Variants in MEIS2 observed in about 807,000 individuals in gnomAD.
MEIS2 encodes the protein Meis homeobox 2.
A neutral mutation model predicts 58.6 loss-of-function variants in MEIS2; 9 were observed. That is an observed-to-expected ratio of 0.15 (90% CI 0.09 to 0.27). The LOEUF (loss-of-function observed/expected upper bound fraction) is 0.27, where lower values mean the gene tolerates loss of function less well. MEIS2 is among the 10% of genes least tolerant of loss of function. MEIS2 has a pLI of 1.00. For missense variants in MEIS2, 427 were observed against 635.0 expected, an observed-to-expected ratio of 0.67 and a Z score of 3.52; for synonymous variants, 221 against 228.4, an observed-to-expected ratio of 0.97 and a Z score of 0.29.
intron 8 of MEIS2, among the ~76,000 whole-genome samples, chr15:36,969,347 C>T (rs993459514): frequency 5.3e-5 from 8 of 152,114 alleles, no homozygotes; most frequent in Admixed American, 1.3e-4. Flanking sequence ...ATTTGAGAAT[C>T]TTCTCCTCTA....
At chr15:36,969,359 T>G (rs553652688) in intron 8 of MEIS2, among the ~76,000 whole-genome samples, 2 of 152,328 alleles carry the variant, frequency 1.3e-5, no homozygotes, top group East Asian at 3.9e-4. Flanking sequence ...TCTCCTCTAC[T>G]GCACAAATTT....
In MEIS2 at chr15:36,954,287, T is replaced by C. The variant is rs199945892; in HGVS notation, c.901-3887A>G. Among the ~76,000 whole-genome samples the C allele has an allele frequency of 1.7e-4, 26 of 151,662 alleles. No individual in the cohort carries two copies. In the East Asian group the frequency reaches 4.8e-3, roughly 28 times the overall value. On this transcript the variant is annotated intron_variant, in intron 8 of 11. Coordinates refer to ENST00000561208, the MANE Select transcript of MEIS2 (RefSeq NM_170675.5). ...TTAATAAATAAATAAAATATACACA[T>C]ATCTATGCTTGTAGCGCAAAAAAAA...
At chr15:36,962,251 A>G (rs1299641066) in intron 8 of MEIS2, among the ~76,000 whole-genome samples, 1 of 152,236 alleles carries the variant, frequency 6.6e-6, no homozygotes, top group African/African-American at 2.4e-5. Context: ...CATATCCAGC[A>G]TAATGTGAAT....
At position 36,966,345 on chromosome 15, in the gene MEIS2, A is replaced by G. The variant is rs528359543; in HGVS notation, c.901-15945T>C. ...ATAAATATATATTAATGTCAGAGAA[A>G]TGGCTCAAGCATACACATTCTCAAG... On this transcript the variant is annotated intron_variant, in intron 8 of 11. Coordinates refer to ENST00000561208, the MANE Select transcript of MEIS2 (RefSeq NM_170675.5). Among the ~76,000 whole-genome samples the G allele has an allele frequency of 2.0e-5, 3 of 152,348 alleles. No individual in the cohort carries two copies. The East Asian group carries it at 5.8e-4, about 29-fold the overall frequency.
chr15:37,066,891 G>A (rs1252876619), intron 7 of MEIS2, among the ~76,000 whole-genome samples: 1 of 151,072 alleles, frequency 6.6e-6, no homozygotes, highest in Non-Finnish European at 1.5e-5. Context: ...GGATCCTCCT[G>A]CCTCAGTCTC....
intron 9 of MEIS2, among the ~76,000 whole-genome samples, chr15:36,925,691 A>C (rs2057719109): frequency 6.6e-6 from 1 of 152,150 alleles, no homozygotes; most frequent in Non-Finnish European, 1.5e-5. Context: ...CTCTTAGCAA[A>C]ATGGTAGCTC....
intron 8 of MEIS2, among the ~76,000 whole-genome samples, chr15:37,017,305 C>G (rs957126613): frequency 6.6e-6 from 1 of 152,114 alleles, no homozygotes; most frequent in Non-Finnish European, 1.5e-5. Flanking sequence ...AAAGAATAAT[C>G]GTCTACACAG....
At chr15:36,902,969 T>A (rs940464249) in intron 9 of MEIS2, among the ~76,000 whole-genome samples, 1 of 152,136 alleles carries the variant, frequency 6.6e-6, no homozygotes, top group African/African-American at 2.4e-5. Context: ...TGTTGGAGTT[T>A]TTAATAAATA....
At chr15:37,086,385 G>A (rs1892883477) in intron 6 of MEIS2, among the ~76,000 whole-genome samples, 1 of 152,156 alleles carries the variant, frequency 6.6e-6, no homozygotes, top group Admixed American at 6.6e-5. Context: ...TTATAATTCA[G>A]TGTATTTCTT....
At chr15:36,903,528 A>G (rs950229186) in intron 9 of MEIS2, among the ~76,000 whole-genome samples, 2 of 152,252 alleles carry the variant, frequency 1.3e-5, no homozygotes, top group African/African-American at 4.8e-5. Context: ...CACACCTTAC[A>G]GTGCTTCTGA....
At chr15:36,936,040 C>G (rs572848844) in intron 9 of MEIS2, among the ~76,000 whole-genome samples, 2 of 151,920 alleles carry the variant, frequency 1.3e-5, no homozygotes, top group African/African-American at 4.8e-5. Context: ...TCTTTTAATA[C>G]AGACATCAAA....
chr15:36,928,731 T>C (rs2057849396), intron 9 of MEIS2, among the ~76,000 whole-genome samples: 1 of 152,200 alleles, frequency 6.6e-6, no homozygotes, highest in Non-Finnish European at 1.5e-5. Flanking sequence ...GAAGAGTACT[T>C]AGATATTTTT....
intron 9 of MEIS2, among the ~76,000 whole-genome samples, chr15:36,932,186 G>A (rs185183307): frequency 3.3e-5 from 5 of 152,254 alleles, no homozygotes; most frequent in Non-Finnish European, 7.4e-5. Context: ...ATAGCATTTT[G>A]CTAAAATTGA....
At chr15:36,896,860 C>T (rs986359447) in intron 9 of MEIS2, 174 bp from the exon 10 acceptor site, 14 of 597,822 alleles carry the variant, frequency 2.3e-5, no homozygotes, top group South Asian at 1.3e-4. Context: ...GGGTAATCTC[C>T]GTCGTCACTG....
chr15:37,033,589 T>C (rs567120653), intron 8 of MEIS2, among the ~76,000 whole-genome samples: 43 of 152,342 alleles, frequency 2.8e-4, no homozygotes, highest in Non-Finnish European at 4.7e-4. Context: ...AATCATGCAC[T>C]TGTAAAGAAA....
intron 9 of MEIS2, among the ~76,000 whole-genome samples, chr15:36,945,279 T>C (rs952086680): frequency 6.6e-6 from 1 of 152,042 alleles, no homozygotes. Flanking sequence ...CAAATCTATC[T>C]GGGCTGATGG....
At position 37,099,602 on chromosome 15, in the gene MEIS2, A is replaced by C; in HGVS notation, c.-136T>G. Reference sequence around the variant, plus strand: ...ACTTCTCCCAATTCTCCAATATGCTATTTTTTAGGGGGGAAAAAAAGCCCA... The same window carrying C: ...ACTTCTCCCAATTCTCCAATATGCTCTTTTTTAGGGGGGAAAAAAAGCCCA... On this transcript the variant is annotated 5_prime_UTR_variant, in exon 1 of 12. Coordinates refer to ENST00000561208, the MANE Select transcript of MEIS2 (RefSeq NM_170675.5). 2 of 1,273,488 alleles carry C rather than the reference A, an allele frequency of 1.6e-6. No individual in the cohort carries two copies. Among genetic ancestry groups the C allele is most frequent in the East Asian group, 5.0e-5 (2 of 39,624 alleles). The allele number at this position is 1,273,488 out of a possible 1,614,324, so 78.9% of individuals were successfully genotyped here. A position where few individuals can be genotyped will look rare whatever the true frequency, so the allele number is the denominator to read the frequency against.
At chr15:36,927,101 A>G (rs1176942730) in intron 9 of MEIS2, among the ~76,000 whole-genome samples, 3 of 152,206 alleles carry the variant, frequency 2.0e-5, no homozygotes, top group African/African-American at 4.8e-5. Flanking sequence ...TTACAATTTC[A>G]TGAACTGTAG....
At chr15:37,058,674 C>G (rs1265498752) in intron 7 of MEIS2, among the ~76,000 whole-genome samples, 1 of 152,230 alleles carries the variant, frequency 6.6e-6, no homozygotes, top group Non-Finnish European at 1.5e-5. Flanking sequence ...TTTCCTCTTT[C>G]TATTACCACT....
Sources: gnomAD v4.1 joint callset for allele counts (sites outside exome capture counted in the v4.1 genomes callset) on GRCh38, gnomAD v4.1.1 for gene constraint, MANE v1.5 for transcripts, NCBI Gene and HGNC (gene_info 2026-07-23, HGNC 2026-07-21) for gene names.